CDK5RAP2: variants seen among roughly 807,000 people sequenced by gnomAD.
The protein encoded by CDK5RAP2 is CDK5 regulatory subunit-associated protein 2.
CDK5RAP2 carries 147 observed loss-of-function variants against 232.9 expected under a neutral mutation model. That is an observed-to-expected ratio of 0.63 (90% CI 0.55 to 0.72). CDK5RAP2 has a LOEUF of 0.72. Among genes scored for constraint, CDK5RAP2 ranks in the 30% least tolerant of loss-of-function variants. The probability of loss-of-function intolerance (pLI) is 0.00; values close to 1 mark genes in which losing one functional copy is unlikely to be tolerated. For missense variants in CDK5RAP2, 2,195 were observed against 2,231.5 expected (o/e 0.98, Z 0.33); for synonymous variants, 833 against 833.7 (o/e 1.00, Z 0.01).
In CDK5RAP2 at chr9:120,453,933, T is replaced by A; in HGVS notation, c.2376-60A>T. ...AAGCTTTCTGCTAGGCCTTGTCCCCTAGCCAGTATCCCAAGTTATCCCCAC... is the reference window on the plus strand; with the variant it reads ...AAGCTTTCTGCTAGGCCTTGTCCCCAAGCCAGTATCCCAAGTTATCCCCAC... On this transcript the variant is annotated intron_variant, in intron 20 of 37. Transcript: ENST00000349780. 4 of 1,551,114 alleles carry A rather than the reference T, an allele frequency of 2.6e-6. No individual in the cohort carries two copies. In the South Asian group the frequency reaches 4.5e-5, roughly 17 times the overall value.
In CDK5RAP2 at chr9:120,409,279, G is replaced by A. The variant is rs748050535; in HGVS notation, c.4452C>T (p.Leu1484=). 1 of 1,611,598 alleles carries A rather than the reference G, an allele frequency of 6.2e-7. No homozygotes were observed. Among genetic ancestry groups the A allele is most frequent in the Non-Finnish European group, 8.5e-7 (1 of 1,178,868 alleles). The change falls in exon 30 of 38, where the codon CTC becomes CTT. Residue 1484 remains leucine (L), a synonymous_variant. Transcript: ENST00000349780. Reference sequence around the variant, plus strand: ...GCTCCAGGCTCACGGTCTTCCTGGAGAGGGACTCTCGTAATTTGTCATTCT... The same window carrying A: ...GCTCCAGGCTCACGGTCTTCCTGGAAAGGGACTCTCGTAATTTGTCATTCT... ...QKENDKLRES[L]SRKTVSLEHL...
In CDK5RAP2 at chr9:120,527,519, G is replaced by GAT. The variant is rs112373921; in HGVS notation, c.999+285_999+286dup. Among the ~76,000 whole-genome samples, 144,289 of 150,858 alleles carry GAT rather than the reference G, an allele frequency of 0.96. 69,294 individuals are homozygous for GAT. Among genetic ancestry groups the GAT allele is most frequent in the Non-Finnish European group, 1 (67,522 of 67,692 alleles). ...ATGAAATGATTATGTTTTGGGGGGG[G>GAT]ATATATATATAATTAAAATTAATTT... On this transcript the variant is annotated intron_variant, in intron 10 of 37. Coordinates refer to ENST00000349780, the MANE Select transcript of CDK5RAP2 (RefSeq NM_018249.6).
chr9:120,520,197 A>G (rs1000541659), intron 11 of CDK5RAP2, among the ~76,000 whole-genome samples: 1 of 152,228 alleles, frequency 6.6e-6, no homozygotes, highest in African/African-American at 2.4e-5. Flanking sequence ...AGGTACACAA[A>G]TCATCAGTGT....
At chr9:120,484,397 C>T (rs75801056) in intron 14 of CDK5RAP2, among the ~76,000 whole-genome samples, 2,320 of 152,152 alleles carry the variant, frequency 0.015, 55 homozygotes, top group African/African-American at 0.053. Flanking sequence ...ACTTAAAATT[C>T]CTTTGTTGCT....
rs139084103 is a variant in CDK5RAP2 at position 120,437,942 on chromosome 9, G to A, written c.3723-415C>T. The stretch of plus-strand genomic sequence containing the variant: ...AAAAAAGACAGGACTCTCTCCTCCC[G>A]AACAAAACGTCACTGAATAATCATG... On this transcript the variant is annotated intron_variant, in intron 24 of 37. Coordinates refer to ENST00000349780, the MANE Select transcript of CDK5RAP2 (RefSeq NM_018249.6). 1.6e-3 allele frequency among the ~76,000 whole-genome samples: 243 copies of A among 152,260 alleles called. 1 individual carries two copies. Among genetic ancestry groups the A allele is most frequent in the African/African-American group, 5.3e-3 (219 of 41,560 alleles).
chr9:120,536,433 C>G lies in CDK5RAP2; in HGVS notation c.601G>C (p.Glu201Gln). Residue 201 changes from glutamate (E) to glutamine (Q), a missense_variant, in exon 7 of 38, where the codon GAG (glutamate) becomes CAG (glutamine). Glu to Gln is a conservative substitution (Grantham distance 29, BLOSUM62 2). Coordinates refer to ENST00000349780, the MANE Select transcript of CDK5RAP2 (RefSeq NM_018249.6). Reference sequence around the variant, plus strand: ...TCCCCCTCGTGCATCTTCTTCATCTCTGAAAGCTTGCTTTCCAAACGCAAC... The same window carrying G: ...TCCCCCTCGTGCATCTTCTTCATCTGTGAAAGCTTGCTTTCCAAACGCAAC... The part of the protein sequence containing the change: ...LRLRLESKLS[E>Q]MKKMHEGDLA... 6.2e-7 allele frequency: 1 copy of G among 1,614,226 alleles called. No individual in the cohort carries two copies. Among genetic ancestry groups the G allele is most frequent in the Non-Finnish European group, 8.5e-7 (1 of 1,180,030 alleles).
intron 3 of CDK5RAP2, among the ~76,000 whole-genome samples, chr9:120,564,877 A>G (rs1005477538): frequency 6.6e-6 from 1 of 152,202 alleles, no homozygotes; most frequent in African/African-American, 2.4e-5. Context: ...ACAACTCACA[A>G]CAGGTACAGG....
chr9:120,468,388 G>A (rs1267146042), intron 17 of CDK5RAP2, among the ~76,000 whole-genome samples: 1 of 152,186 alleles, frequency 6.6e-6, no homozygotes, highest in African/African-American at 2.4e-5. Flanking sequence ...AGACCCTCTG[G>A]AGGAAAAGTC....
chr9:120,529,965 C>A lies in CDK5RAP2; in HGVS notation c.825+13G>T. On this transcript the variant is annotated intron_variant, in intron 8 of 37. Coordinates refer to ENST00000349780, the MANE Select transcript of CDK5RAP2 (RefSeq NM_018249.6). ...GCTAATTAAAGCCCCCTCTTCATGT[C>A]CTGTCACCTCACCTCAGTTTCTCTC... 6.2e-7 allele frequency: 1 copy of A among 1,613,476 alleles called. No homozygotes were observed.
chr9:120,483,760 G>A (rs2038449447), intron 14 of CDK5RAP2, among the ~76,000 whole-genome samples: 1 of 152,216 alleles, frequency 6.6e-6, no homozygotes, highest in African/African-American at 2.4e-5. Context: ...TGACACCAAA[G>A]CCGGGCATTT....
At chr9:120,455,530 C>T (rs1321815007) in intron 20 of CDK5RAP2, among the ~76,000 whole-genome samples, 1 of 152,046 alleles carries the variant, frequency 6.6e-6, no homozygotes, top group African/African-American at 2.4e-5. Context: ...AGTTTGAGCT[C>T]ACAAATTCGA....
intron 18 of CDK5RAP2, among the ~76,000 whole-genome samples, chr9:120,465,164 T>C (rs991879113): frequency 4.6e-5 from 7 of 152,182 alleles, no homozygotes; most frequent in Admixed American, 6.5e-5. Context: ...TTTCGAGCCT[T>C]TGCAGTGTGC....
chr9:120,576,514 C>T (rs1331540031), intron 1 of CDK5RAP2, among the ~76,000 whole-genome samples: 1 of 152,128 alleles, frequency 6.6e-6, no homozygotes, highest in Non-Finnish European at 1.5e-5. Context: ...CCAGCCTGGC[C>T]AACATGGTGA....
rs115360979 is a variant in CDK5RAP2 at position 120,512,057 on chromosome 9, A to G, written c.1311+6370T>C. On this transcript the variant is annotated intron_variant, in intron 12 of 37. Transcript: ENST00000349780. The stretch of plus-strand genomic sequence containing the variant: ...CCGGCCACAATGTGCATTTTTATAT[A>G]CTCACTCTGGGCCACGGGCAGTGGC... Among the ~76,000 whole-genome samples, 1,005 of 152,042 alleles carry G rather than the reference A, an allele frequency of 6.6e-3. 15 individuals are homozygous for G. The highest frequency in any genetic ancestry group is 0.023 in the African/African-American group (954 of 41,504).
intron 32 of CDK5RAP2, among the ~76,000 whole-genome samples, 186 bp from the exon 33 acceptor site, chr9:120,404,299 C>A (rs1360762981): frequency 6.6e-6 from 1 of 152,198 alleles, no homozygotes; most frequent in Non-Finnish European, 1.5e-5. Flanking sequence ...GACAGAGTGA[C>A]CAGGCCCAGT....
intron 15 of CDK5RAP2, among the ~76,000 whole-genome samples, chr9:120,476,151 G>A (rs1340256841): frequency 6.6e-6 from 1 of 151,970 alleles, no homozygotes; most frequent in Non-Finnish European, 1.5e-5. Flanking sequence ...GAGGACATAT[G>A]AGAGGGAGAA....
intron 22 of CDK5RAP2, among the ~76,000 whole-genome samples, 192 bp downstream of exon 22, chr9:120,447,703 G>A (rs1326055645): frequency 2.0e-5 from 3 of 152,208 alleles, no homozygotes; most frequent in Admixed American, 2.0e-4. Flanking sequence ...AGAATAAAAT[G>A]AAAGCAATAG....
chr9:120,486,409 TAAAAAAAA>T (rs34029371), intron 14 of CDK5RAP2, among the ~76,000 whole-genome samples: 2 of 132,840 alleles, frequency 1.5e-5, no homozygotes, highest in Non-Finnish European at 3.3e-5. Context: ...GTTTTTCTTT[TAAAAAAAA>T]AAAAAAAAAA....
rs1195144044 is a variant in CDK5RAP2 at position 120,525,032 on chromosome 9, G to C, written c.1046C>G (p.Ala349Gly). 4.3e-6 allele frequency: 7 copies of C among 1,613,964 alleles called. No individual in the cohort carries two copies. The African/African-American group carries it at 5.3e-5, about 12-fold the overall frequency. ...TTTCTGTAGGGCCTCTCTGGCTTTA[G>C]CAAAGGCAGCACTGAGCTTTTCAAT... ...SEIEKLSAAF[A>G]KAREALQKAQ... Residue 349 changes from alanine (A) to glycine (G), a missense_variant, in exon 11 of 38, where the codon GCT (alanine) becomes GGT (glycine). Ala to Gly is a moderately conservative substitution (Grantham distance 60, BLOSUM62 0). Transcript: ENST00000349780.
Sources: allele counts gnomAD v4.1 joint callset (sites outside exome capture counted in the v4.1 genomes callset), GRCh38; gene constraint gnomAD v4.1.1; transcripts MANE v1.5; gene names NCBI Gene and HGNC (gene_info 2026-07-23, HGNC 2026-07-21).